Variants in ETV5 observed in about 807,000 individuals in gnomAD.
ETV5 encodes the protein ETS variant transcription factor 5, also known as ETS translocation variant 5.
A neutral mutation model predicts 70.0 loss-of-function variants in ETV5; 10 were observed. That is an observed-to-expected ratio of 0.14 (90% CI 0.09 to 0.24). ETV5 has a LOEUF of 0.24. ETV5 is among the 10% of genes least tolerant of loss of function. ETV5 has a pLI of 1.00. For synonymous variants in ETV5, 216 were observed against 242.2 expected, an observed-to-expected ratio of 0.89 and a Z score of 1.01; for missense variants, 453 against 651.2, an observed-to-expected ratio of 0.70 and a Z score of 3.31.
At chr3:186,092,099 C>A (rs1477403591) in intron 5 of ETV5, among the ~76,000 whole-genome samples, 2 of 152,146 alleles carry the variant, frequency 1.3e-5, no homozygotes. Context: ...AGGCACCTTG[C>A]TTGAAAGGCA....
intron 5 of ETV5, among the ~76,000 whole-genome samples, chr3:186,094,719 C>T (rs978377643): frequency 6.6e-6 from 1 of 152,138 alleles, no homozygotes; most frequent in Admixed American, 6.5e-5. Context: ...ACATACGGGG[C>T]TCTTCCATTA....
At chr3:186,068,379 G>A (rs1713504629) in intron 7 of ETV5, among the ~76,000 whole-genome samples, 1 of 152,202 alleles carries the variant, frequency 6.6e-6, no homozygotes. Flanking sequence ...ACCACAGAAA[G>A]ACTGACATTT....
At chr3:186,077,080 G>T (rs1009442154) in intron 7 of ETV5, among the ~76,000 whole-genome samples, 2 of 152,196 alleles carry the variant, frequency 1.3e-5, no homozygotes, top group Admixed American at 6.5e-5. Flanking sequence ...GTGAGCTTTA[G>T]AAAGTCCTTT....
intron 9 of ETV5, among the ~76,000 whole-genome samples, chr3:186,058,137 C>T (rs1713211884): frequency 6.6e-6 from 1 of 152,092 alleles, no homozygotes; most frequent in African/African-American, 2.4e-5. Flanking sequence ...CAAGGAGGAA[C>T]TGGCCCAACA....
intron 9 of ETV5, among the ~76,000 whole-genome samples, chr3:186,061,433 A>T (rs147326321): frequency 8.7e-4 from 132 of 152,270 alleles, no homozygotes; most frequent in Non-Finnish European, 1.3e-3. Flanking sequence ...TTGTTAAAAC[A>T]CAGACTGCTG....
In ETV5 at chr3:186,079,183, A is replaced by G. The variant is rs576537825; in HGVS notation, c.650+634T>C. 15 of 758,378 alleles carry G rather than the reference A, an allele frequency of 2.0e-5. No homozygotes were observed. The Admixed American group carries it at 7.1e-4, about 36-fold the overall frequency. 47.0% of individuals were successfully genotyped at this position (758,378 alleles called of 1,614,324 possible). A position where few individuals can be genotyped will look rare whatever the true frequency, so the allele number is the denominator to read the frequency against. ...CTAGAATACCACAGATAAAGAGGTC[A>G]GGTTTGGAGTGTGCAGAGAAGGTTC... On this transcript the variant is annotated intron_variant, in intron 7 of 12. Coordinates refer to ENST00000306376, the MANE Select transcript of ETV5 (RefSeq NM_004454.3).
Position 186,057,500 on chromosome 3 carries a change from G to T in ETV5, c.971-9C>A, listed in dbSNP as rs762153630. On this transcript the variant is annotated splice_polypyrimidine_tract_variant and intron_variant, in intron 9 of 12. Transcript: ENST00000306376. The surrounding 1 kb of genome is among the most constrained non-coding windows in gnomAD (Gnocchi z 4.9). ...TTTTTCATATGAAAAACCTGAAAGA[G>T]AATTTAAAAGAAAGACTACGTTGCT... 1.2e-5 allele frequency: 20 copies of T among 1,609,974 alleles called. No individual in the cohort carries two copies. Among genetic ancestry groups the T allele is most frequent in the Non-Finnish European group, 1.7e-5 (20 of 1,176,334 alleles).
In ETV5 at chr3:186,052,135, A is replaced by G; in HGVS notation, c.1210-4T>C. On this transcript the variant is annotated splice_region_variant and splice_polypyrimidine_tract_variant and intron_variant, in intron 11 of 12. Coordinates refer to ENST00000306376, the MANE Select transcript of ETV5 (RefSeq NM_004454.3). The surrounding 1 kb of genome is among the most constrained non-coding windows in gnomAD (Gnocchi z 4.5). ...GGATGCCCCAGCGCCGAGCAACCTG[A>G]AGAGACAGGAAAGTGAAGAGCAATG... The G allele has an allele frequency of 6.2e-7, 1 of 1,613,466 alleles. No homozygotes were observed. The highest frequency in any genetic ancestry group is 1.1e-5 in the South Asian group (1 of 91,068).
chr3:186,102,618 C>T (rs1456421423), intron 5 of ETV5, among the ~76,000 whole-genome samples: 2 of 118,284 alleles, frequency 1.7e-5, no homozygotes, highest in Non-Finnish European at 3.3e-5. Flanking sequence ...GCCTGGGTGA[C>T]GAGCAAAACT....
rs759556318 is a variant in ETV5, at chr3:186,079,806, T to C, written c.650+11A>G. The C allele has an allele frequency of 6.3e-7, 1 of 1,594,906 alleles. No individual in the cohort carries two copies. Among genetic ancestry groups the C allele is most frequent in the Admixed American group, 1.8e-5 (1 of 56,730 alleles). On this transcript the variant is annotated intron_variant, in intron 7 of 12. Transcript: ENST00000306376. ...GAGACAATTAAGGAAGAAGCCCAGATCAACACCCACCTCTGTTCTGATGGA... is the reference window on the plus strand; with the variant it reads ...GAGACAATTAAGGAAGAAGCCCAGACCAACACCCACCTCTGTTCTGATGGA...
rs976992465 is a variant in ETV5 at position 186,046,628 on chromosome 3, A to C, written c.*2011T>G. 4.4e-6 allele frequency: 1 copy of C among 226,980 alleles called. No individual in the cohort carries two copies. Among genetic ancestry groups the C allele is most frequent in the Admixed American group, 5.7e-5 (1 of 17,462 alleles). The allele number at this position is 226,980 out of a possible 1,614,324, so 14.1% of individuals were successfully genotyped here. ...GCAGGGGAGGGGTAGCTCAAGCTACAGAGGATTATTGTCATATTGCTAAGA... is the reference window on the plus strand; with the variant it reads ...GCAGGGGAGGGGTAGCTCAAGCTACCGAGGATTATTGTCATATTGCTAAGA... On this transcript the variant is annotated 3_prime_UTR_variant, in exon 13 of 13. Coordinates refer to ENST00000306376, the MANE Select transcript of ETV5 (RefSeq NM_004454.3).
intron 5 of ETV5, among the ~76,000 whole-genome samples, chr3:186,087,470 T>C (rs991617008): frequency 1.3e-5 from 2 of 152,216 alleles, no homozygotes; most frequent in African/African-American, 4.8e-5. Flanking sequence ...TTCTGTATGT[T>C]ACTTCAATTA....
In ETV5 at chr3:186,064,421, A is replaced by T; in HGVS notation, c.966T>A (p.His322Gln). 1 of 1,614,152 alleles carries T rather than the reference A, an allele frequency of 6.2e-7. No individual in the cohort carries two copies. The highest frequency in any genetic ancestry group is 1.1e-5 in the South Asian group (1 of 91,088). Residue 322 changes from histidine to glutamine, a missense_variant, in exon 9 of 13, where the codon CAT becomes CAA. His to Gln is a conservative substitution (Grantham distance 24, BLOSUM62 0). Coordinates refer to ENST00000306376, the MANE Select transcript of ETV5 (RefSeq NM_004454.3). Reference sequence around the variant, plus strand: ...AAAGAAAAGCAGGTTCCTTACCTTCATGGCTGCTGGAGAAATAACCCCCTC... The same window carrying T: ...AAAGAAAAGCAGGTTCCTTACCTTCTTGGCTGCTGGAGAAATAACCCCCTC... ...YMRGGYFSSS[H>Q]EGFSYEKDPR...
Position 186,087,862 on chromosome 3 carries a change from G to A in ETV5, c.233-6687C>T, listed in dbSNP as rs1037856282. Among the ~76,000 whole-genome samples, 6 of 151,224 alleles carry A rather than the reference G, an allele frequency of 4.0e-5. No individual in the cohort carries two copies. The South Asian group carries it at 1.0e-3, about 26-fold the overall frequency. On this transcript the variant is annotated intron_variant, in intron 5 of 12. Transcript: ENST00000306376. Reference sequence around the variant, plus strand: ...CATTTTTTTTTTTTTTAAGAAAGACGAAACCCATCTTGTCTAATAAGGCTT... The same window carrying A: ...CATTTTTTTTTTTTTTAAGAAAGACAAAACCCATCTTGTCTAATAAGGCTT...
At chr3:186,073,244 C>T (rs191079491) in intron 7 of ETV5, among the ~76,000 whole-genome samples, 2 of 152,136 alleles carry the variant, frequency 1.3e-5, no homozygotes, top group Admixed American at 6.5e-5. Context: ...TCTCAGTTTG[C>T]GATACCTACA....
intron 5 of ETV5, among the ~76,000 whole-genome samples, chr3:186,101,293 T>G (rs2150155005): frequency 6.6e-6 from 1 of 152,240 alleles, no homozygotes; most frequent in Admixed American, 6.5e-5. Context: ...TTTGTTTTCG[T>G]TTTTTAGAGA....
At chr3:186,068,686 G>A (rs1339906282) in intron 7 of ETV5, among the ~76,000 whole-genome samples, 1 of 152,152 alleles carries the variant, frequency 6.6e-6, no homozygotes, top group African/African-American at 2.4e-5. Context: ...ACATGGGGAT[G>A]TATTATCCTC....
intron 1 of ETV5, 176 bp downstream of exon 1, chr3:186,108,764 A>C: frequency 1.6e-4 from 109 of 693,486 alleles, no homozygotes; most frequent in Non-Finnish European, 2.0e-4. Flanking sequence ...CCAGGAACCA[A>C]ACCGGACCGG....
intron 12 of ETV5, among the ~76,000 whole-genome samples, chr3:186,051,618 A>C (rs1713034456): frequency 6.6e-6 from 1 of 152,206 alleles, no homozygotes; most frequent in South Asian, 2.1e-4. Context: ...AGCATATCAA[A>C]CTAACAGATT....
Sources: allele counts gnomAD v4.1 joint callset (sites outside exome capture counted in the v4.1 genomes callset), GRCh38; gene constraint gnomAD v4.1.1; non-coding constraint Gnocchi (gnomAD v3.1); transcripts MANE v1.5; gene names NCBI Gene and HGNC (gene_info 2026-07-23, HGNC 2026-07-21).